AKAP7: variants seen among roughly 807,000 people sequenced by gnomAD.
AKAP7 encodes the protein A-kinase anchoring protein 7, also known as A kinase (PRKA) anchor protein 7.
A neutral mutation model predicts 39.5 loss-of-function variants in AKAP7; 39 were observed. That is an observed-to-expected ratio of 0.99 (90% confidence interval 0.76 to 1.29). The LOEUF is 1.29. Ranked by LOEUF, AKAP7 falls within the 50% of genes most tolerant of loss-of-function variation. AKAP7 has a pLI of 0.00. For synonymous variants in AKAP7, 140 were observed against 139.1 expected (o/e 1.01, Z -0.05); for missense variants, 414 against 407.7 (o/e 1.02, Z -0.13).
intron 5 of AKAP7, among the ~76,000 whole-genome samples, chr6:131,181,615 T>C (rs1333912484): frequency 6.6e-6 from 1 of 152,206 alleles, no homozygotes; most frequent in African/African-American, 2.4e-5. Flanking sequence ...TGCTGTGTCA[T>C]TTAAGATTCT....
intron 5 of AKAP7, among the ~76,000 whole-genome samples, chr6:131,181,108 G>A (rs1041477056): frequency 2.0e-5 from 3 of 151,912 alleles, no homozygotes; most frequent in Non-Finnish European, 4.4e-5. Flanking sequence ...GCTAATTTTT[G>A]TATTTTTAGT....
chr6:131,229,585 A>AT (rs1177774368), intron 7 of AKAP7, among the ~76,000 whole-genome samples: 2 of 151,914 alleles, frequency 1.3e-5, no homozygotes, highest in Non-Finnish European at 2.9e-5. Flanking sequence ...CTGACCTCAA[A>AT]TTATCCACCT....
Position 131,135,670 on chromosome 6 carries a change from T to C in AKAP7, c.-94T>C. 9.4e-7 allele frequency: 1 copy of C among 1,058,530 alleles called. No homozygotes were observed. The highest frequency in any genetic ancestry group is 1.1e-6 in the Non-Finnish European group (1 of 873,366). 65.6% of individuals were successfully genotyped at this position (1,058,530 alleles called of 1,614,324 possible). A position where few individuals can be genotyped will look rare whatever the true frequency, so the allele number is the denominator to read the frequency against. On this transcript the variant is annotated 5_prime_UTR_variant, in exon 1 of 8. Transcript: ENST00000431975. ...CGCCCTCAGGCCCCGAGCCCCGCCC[T>C]GGCCTCCGCCTCGGCCTCGCCTCCA... is the stretch of plus-strand genomic sequence containing the variant.
intron 7 of AKAP7, among the ~76,000 whole-genome samples, chr6:131,253,477 C>T (rs905317686): frequency 1.3e-5 from 2 of 151,976 alleles, no homozygotes; most frequent in Admixed American, 1.3e-4. Flanking sequence ...ATTTCAACTT[C>T]CAGCTATTTT....
chr6:131,255,472 G>C (rs1297419343), intron 7 of AKAP7, among the ~76,000 whole-genome samples: 1 of 152,200 alleles, frequency 6.6e-6, no homozygotes, highest in Admixed American at 6.5e-5. Context: ...CAGGGAATGA[G>C]GATAGGGAAC....
chr6:131,273,207 CT>C (rs1814438289), intron 7 of AKAP7, among the ~76,000 whole-genome samples: 1 of 152,146 alleles, frequency 6.6e-6, no homozygotes, highest in African/African-American at 2.4e-5. Flanking sequence ...ACCTTCCTGT[CT>C]CTTCATATTT....
At chr6:131,185,292 C>A in intron 5 of AKAP7, 1 of 472,290 alleles carries the variant, frequency 2.1e-6, no homozygotes. Flanking sequence ...GTCCAGAGGC[C>A]AATCCTAGAA....
chr6:131,154,974 G>T (rs1173829414), intron 2 of AKAP7, among the ~76,000 whole-genome samples: 1 of 151,874 alleles, frequency 6.6e-6, no homozygotes, highest in African/African-American at 2.4e-5. Flanking sequence ...AGATCAAGAG[G>T]CTTAATTAAG....
At chr6:131,151,208 A>G (rs1204265662) in intron 2 of AKAP7, among the ~76,000 whole-genome samples, 3 of 151,142 alleles carry the variant, frequency 2.0e-5, no homozygotes, top group Non-Finnish European at 4.4e-5. Flanking sequence ...ACACTCAGCT[A>G]ATTTTTGTAT....
chr6:131,127,692 C>A, the AKAP7 span, among the ~76,000 whole-genome samples: 20,163 of 152,038 alleles, frequency 0.13, 1,685 homozygotes, highest in South Asian at 0.18. Context: ...TTAAAGTAAT[C>A]GATTTTCATT....
At chr6:131,137,581 A>G (rs1800672843) in intron 1 of AKAP7, 1 of 151,786 alleles carries the variant, frequency 6.6e-6, no homozygotes, top group Non-Finnish European at 1.5e-5. Context: ...ATGGGGTTTC[A>G]CCGTGTTAGT....
intron 1 of AKAP7, among the ~76,000 whole-genome samples, chr6:131,143,213 G>A (rs1409593475): frequency 6.6e-6 from 1 of 152,138 alleles, no homozygotes; most frequent in Non-Finnish European, 1.5e-5. Flanking sequence ...TAGGTGGCCA[G>A]GGGCAGAATG....
chr6:131,264,221 A>T (rs1317828083), intron 7 of AKAP7, among the ~76,000 whole-genome samples: 1 of 152,238 alleles, frequency 6.6e-6, no homozygotes, highest in Non-Finnish European at 1.5e-5. Flanking sequence ...CGTTTACCAC[A>T]TGTGCTTAAC....
At chr6:131,234,108 G>A (rs1183313387) in intron 7 of AKAP7, among the ~76,000 whole-genome samples, 1 of 152,112 alleles carries the variant, frequency 6.6e-6, no homozygotes, top group Non-Finnish European at 1.5e-5. Flanking sequence ...CTCCCTGCTG[G>A]CATTTGAAGC....
intron 7 of AKAP7, among the ~76,000 whole-genome samples, chr6:131,224,600 A>C (rs927211160): frequency 1.3e-5 from 2 of 151,808 alleles, no homozygotes; most frequent in African/African-American, 4.8e-5. Context: ...TTAATGGTAC[A>C]TTCTTGGAGA....
intron 7 of AKAP7, among the ~76,000 whole-genome samples, chr6:131,228,639 G>T (rs1810390508): frequency 6.6e-6 from 1 of 152,118 alleles, no homozygotes; most frequent in Non-Finnish European, 1.5e-5. Context: ...ACTGTGCCCG[G>T]CCTGGGTTTT....
chr6:131,190,970 T>G (rs928194448), intron 5 of AKAP7, among the ~76,000 whole-genome samples: 7 of 152,234 alleles, frequency 4.6e-5, no homozygotes, highest in Admixed American at 3.9e-4. Flanking sequence ...GCAGATACTG[T>G]GCTTGGCACA....
intron 7 of AKAP7, among the ~76,000 whole-genome samples, chr6:131,256,628 AG>A (rs1812874630): frequency 7.0e-6 from 1 of 142,898 alleles, no homozygotes; most frequent in Non-Finnish European, 1.6e-5. Flanking sequence ...GGGCCATGAA[AG>A]AAGCAGCAGG....
chr6:131,236,047 T>G (rs1811027112), intron 7 of AKAP7, among the ~76,000 whole-genome samples: 1 of 152,222 alleles, frequency 6.6e-6, no homozygotes, highest in Non-Finnish European at 1.5e-5. Flanking sequence ...GGTCTAACAT[T>G]TAAGTCTTTA....
Sources: gnomAD v4.1 joint callset for allele counts (sites outside exome capture counted in the v4.1 genomes callset) on GRCh38, gnomAD v4.1.1 for gene constraint, MANE v1.5 for transcripts, NCBI Gene and HGNC (gene_info 2026-07-23, HGNC 2026-07-21) for gene names.